Variants in GNAO1 observed in about 807,000 individuals in gnomAD.
GNAO1 encodes the protein guanine nucleotide-binding protein G(o) subunit alpha.
For missense variants in GNAO1, 166 were observed against 478.7 expected, an observed-to-expected ratio of 0.35 and a Z score of 6.10; for synonymous variants, 164 against 180.7, an observed-to-expected ratio of 0.91 and a Z score of 0.74.
chr16:56,346,566 T>A, intron 6 of GNAO1: 1 of 985,302 alleles, frequency 1.0e-6, no homozygotes, highest in African/African-American at 1.7e-5. Flanking sequence ...TCCCCAAGGC[T>A]CTCTGGCCTG....
In GNAO1 at chr16:56,281,268, C is replaced by G. The variant is rs74369986; in HGVS notation, c.303+5196C>G. 9.7e-4 allele frequency among the ~76,000 whole-genome samples: 148 copies of G among 152,238 alleles called. 3 individuals carry two copies. Among genetic ancestry groups the G allele is most frequent in the African/African-American group, 3.4e-3 (141 of 41,522 alleles). On this transcript the variant is annotated intron_variant, in intron 3 of 8. Transcript: ENST00000262493. ...AACAAATCATTCAAAGAATCCCATCCTTCATCCTAAGTCTCTCTAAGAATA... is the reference window on the plus strand; with the variant it reads ...AACAAATCATTCAAAGAATCCCATCGTTCATCCTAAGTCTCTCTAAGAATA...
At chr16:56,210,514 A>T (rs2036376059) in intron 2 of GNAO1, among the ~76,000 whole-genome samples, 1 of 152,254 alleles carries the variant, frequency 6.6e-6, no homozygotes, top group South Asian at 2.1e-4. Context: ...ATATATAGAT[A>T]TATCATCTTG....
chr16:56,219,780 C>T (rs116504176), intron 2 of GNAO1, among the ~76,000 whole-genome samples: 1,820 of 152,270 alleles, frequency 0.012, 42 homozygotes, highest in African/African-American at 0.042. Flanking sequence ...CTGAAACCCC[C>T]GGCCTGCAAA....
chr16:56,345,388 T>A, intron 6 of GNAO1: 1 of 985,706 alleles, frequency 1.0e-6, no homozygotes, highest in Non-Finnish European at 1.2e-6. Context: ...CACTGCTTAG[T>A]CCCCAGCCAG....
At chr16:56,306,259 C>G (rs763804866) in intron 3 of GNAO1, among the ~76,000 whole-genome samples, 1 of 152,214 alleles carries the variant, frequency 6.6e-6, no homozygotes, top group South Asian at 2.1e-4. Context: ...GGTGTTAATG[C>G]AGGGTCCCAG....
chr16:56,261,154 C>T (rs1319154728), intron 2 of GNAO1, among the ~76,000 whole-genome samples: 1 of 152,194 alleles, frequency 6.6e-6, no homozygotes, highest in African/African-American at 2.4e-5. Context: ...TTCAGACTTG[C>T]TTTTGGCAGA....
At chr16:56,305,681 T>G (rs1317517547) in intron 3 of GNAO1, among the ~76,000 whole-genome samples, 1 of 152,120 alleles carries the variant, frequency 6.6e-6, no homozygotes, top group Admixed American at 6.5e-5. Context: ...CAGGGAGAGC[T>G]CCACCTCAGG....
chr16:56,208,212 T>C (rs1452589922), intron 2 of GNAO1, among the ~76,000 whole-genome samples: 2 of 152,244 alleles, frequency 1.3e-5, no homozygotes, highest in African/African-American at 4.8e-5. Context: ...ATTCATTTTA[T>C]GAATATTTTT....
At chr16:56,331,602 C>T (rs1259983427) in intron 4 of GNAO1, among the ~76,000 whole-genome samples, 1 of 152,180 alleles carries the variant, frequency 6.6e-6, no homozygotes, top group African/African-American at 2.4e-5. Flanking sequence ...GCCGCCCTTT[C>T]CAGACTCCCT....
chr16:56,235,327 C>T, intron 2 of GNAO1: 1 of 456,062 alleles, frequency 2.2e-6, no homozygotes, highest in South Asian at 1.5e-5. Context: ...TTAGACAGAG[C>T]ATGTAGCCCA....
chr16:56,337,253 C>T (rs2037750124), intron 6 of GNAO1, among the ~76,000 whole-genome samples: 2 of 152,264 alleles, frequency 1.3e-5, no homozygotes, highest in African/African-American at 4.8e-5. Flanking sequence ...ACAGCCATCC[C>T]TGGGGCACTG....
At chr16:56,346,175 A>T (rs947420821) in intron 6 of GNAO1, 2 of 985,344 alleles carry the variant, frequency 2.0e-6, no homozygotes, top group African/African-American at 1.7e-5. Flanking sequence ...CCTCAGGGGT[A>T]TCCGGGGAGA....
At chr16:56,264,344 G>A (rs560960047) in intron 2 of GNAO1, among the ~76,000 whole-genome samples, 5 of 152,334 alleles carry the variant, frequency 3.3e-5, no homozygotes, top group Non-Finnish European at 5.9e-5. Flanking sequence ...TGCCGCTGCC[G>A]TGGACTGACA....
intron 4 of GNAO1, among the ~76,000 whole-genome samples, chr16:56,334,121 G>A (rs970349697): frequency 5.9e-5 from 9 of 152,204 alleles, no homozygotes; most frequent in Non-Finnish European, 1.0e-4. Flanking sequence ...AGGCCCAGCC[G>A]CTGTATGGCT....
intron 3 of GNAO1, among the ~76,000 whole-genome samples, chr16:56,298,408 T>C (rs1162606140): frequency 6.6e-6 from 1 of 152,100 alleles, no homozygotes; most frequent in African/African-American, 2.4e-5. Flanking sequence ...TCAGCGACAG[T>C]GATGATGACA....
chr16:56,322,410 G>A (rs2037583551), intron 3 of GNAO1, among the ~76,000 whole-genome samples: 1 of 152,210 alleles, frequency 6.6e-6, no homozygotes, highest in Non-Finnish European at 1.5e-5. Context: ...CCCAGGAGGA[G>A]CCTTGGATGG....
chr16:56,300,043 G>GCGCGCGCGCGCGCGCA (rs1300248042), intron 3 of GNAO1, among the ~76,000 whole-genome samples: 123 of 92,194 alleles, frequency 1.3e-3, no homozygotes, highest in African/African-American at 5.6e-3. Context: ...GTGTGCGCGC[G>GCGCGCGCGCGCGCGCA]CGCGCGCGCA....
intron 1 of GNAO1, 67 bp from the exon 2 acceptor site, chr16:56,192,507 C>A (rs552528169): frequency 3.0e-5 from 18 of 599,388 alleles, no homozygotes; most frequent in Non-Finnish European, 5.0e-5. Context: ...ATGCCTTAGT[C>A]CCCCCCTCCC....
intron 8 of GNAO1, chr16:56,355,821 C>CT (rs2037962548): frequency 6.6e-6 from 1 of 152,204 alleles, no homozygotes; most frequent in African/African-American, 2.4e-5. Context: ...TGAAACCAGC[C>CT]CCGCTCCAAG....
Sources: gnomAD v4.1 joint callset for allele counts (sites outside exome capture counted in the v4.1 genomes callset) on GRCh38, gnomAD v4.1.1 for gene constraint, MANE v1.5 for transcripts, NCBI Gene and HGNC (gene_info 2026-07-23, HGNC 2026-07-21) for gene names.